Variants in B3GAT2 observed in about 807,000 individuals in gnomAD.
B3GAT2 encodes galactosylgalactosylxylosylprotein 3-beta-glucuronosyltransferase 2.
A neutral mutation model predicts 27.8 loss-of-function variants in B3GAT2; 26 were observed. That is an observed-to-expected ratio of 0.93 (90% CI 0.68 to 1.30). The LOEUF (loss-of-function observed/expected upper bound fraction) is 1.30. Among genes scored for constraint, B3GAT2 ranks in the 50% most tolerant of loss-of-function variants. B3GAT2 has a pLI of 0.00. For missense variants in B3GAT2, 458 were observed against 459.0 expected, an observed-to-expected ratio of 1.00 and a Z score of 0.02; for synonymous variants, 218 against 195.1, an observed-to-expected ratio of 1.12 and a Z score of -0.98.
At chr6:70,948,183 C>T (rs1017634180) in intron 1 of B3GAT2, among the ~76,000 whole-genome samples, 3 of 146,020 alleles carry the variant, frequency 2.1e-5, no homozygotes, top group South Asian at 2.2e-4. Flanking sequence ...GACAGGGATG[C>T]CCTCTCTCAC....
At chr6:70,951,694 C>G (rs1033488833) in intron 1 of B3GAT2, among the ~76,000 whole-genome samples, 4 of 152,128 alleles carry the variant, frequency 2.6e-5, no homozygotes, top group Admixed American at 6.5e-5. Flanking sequence ...AAATACTGTA[C>G]ACCCAGGGAG....
intron 1 of B3GAT2, among the ~76,000 whole-genome samples, chr6:70,931,027 C>G (rs1042283249): frequency 1.8e-4 from 28 of 152,084 alleles, no homozygotes; most frequent in Non-Finnish European, 3.5e-4. Context: ...AGTTCATGTC[C>G]TTTGTAGGGA....
chr6:70,890,221 C>T (rs1028357326), intron 2 of B3GAT2, among the ~76,000 whole-genome samples: 1 of 152,256 alleles, frequency 6.6e-6, no homozygotes, highest in African/African-American at 2.4e-5. Flanking sequence ...CCACTGTCCA[C>T]CCTAACACCC....
intron 1 of B3GAT2, among the ~76,000 whole-genome samples, chr6:70,949,470 C>T (rs1199824960): frequency 1.3e-5 from 2 of 150,586 alleles, no homozygotes; most frequent in Non-Finnish European, 3.0e-5. Flanking sequence ...GCATCACTGG[C>T]CATCAGAGAA....
intron 1 of B3GAT2, among the ~76,000 whole-genome samples, chr6:70,950,830 C>T (rs979140977): frequency 2.0e-5 from 3 of 152,184 alleles, no homozygotes; most frequent in Non-Finnish European, 2.9e-5. Flanking sequence ...CCTAAGGGTA[C>T]TTCTTTGCCT....
At chr6:70,878,593 A>G (rs1157742622) in intron 2 of B3GAT2, among the ~76,000 whole-genome samples, 2 of 150,232 alleles carry the variant, frequency 1.3e-5, no homozygotes, top group Non-Finnish European at 3.0e-5. Context: ...TTTTATTTAG[A>G]GCAATTTAAT....
At chr6:70,947,069 C>T (rs546576979) in intron 1 of B3GAT2, among the ~76,000 whole-genome samples, 173 of 151,956 alleles carry the variant, frequency 1.1e-3, no homozygotes, top group South Asian at 7.9e-3. Flanking sequence ...ATCTCTGGGA[C>T]ACATTCAAAG....
intron 2 of B3GAT2, among the ~76,000 whole-genome samples, chr6:70,884,612 A>G (rs1389299820): frequency 6.6e-6 from 1 of 152,182 alleles, no homozygotes; most frequent in Non-Finnish European, 1.5e-5. Context: ...AAAGGTAGAA[A>G]GGGGCATCCA....
chr6:70,880,747 C>T (rs1772088074), intron 2 of B3GAT2, among the ~76,000 whole-genome samples: 1 of 151,614 alleles, frequency 6.6e-6, no homozygotes, highest in African/African-American at 2.4e-5. Flanking sequence ...CTCACTGTAA[C>T]CTCTGCCTCC....
At chr6:70,889,723 G>A (rs1270821688) in intron 2 of B3GAT2, among the ~76,000 whole-genome samples, 2 of 151,326 alleles carry the variant, frequency 1.3e-5, no homozygotes, top group East Asian at 3.9e-4. Context: ...GTCCAGCCAA[G>A]ACAGAACCTC....
chr6:70,890,658 G>T (rs908178775), intron 2 of B3GAT2, among the ~76,000 whole-genome samples: 7 of 152,212 alleles, frequency 4.6e-5, no homozygotes, highest in African/African-American at 1.7e-4. Context: ...AGTGCAGGTG[G>T]CCTGGGACTC....
intron 1 of B3GAT2, among the ~76,000 whole-genome samples, chr6:70,896,070 C>T (rs1772378429): frequency 6.6e-6 from 1 of 152,146 alleles, no homozygotes; most frequent in Admixed American, 6.5e-5. Context: ...GCAAGAGTGC[C>T]TATGTGACAA....
rs951787838 is a variant in B3GAT2, at chr6:70,858,357, T to C, written c.*3306A>G. The C allele has an allele frequency of 2.6e-6, 2 of 768,790 alleles. No individual in the cohort carries two copies. The highest frequency in any genetic ancestry group is 2.2e-5 in the South Asian group (1 of 45,346). 47.6% of individuals were successfully genotyped at this position (768,790 alleles called of 1,614,324 possible). ...CAGAAAGAATTCAATAGGGATAATA[T>C]GTTATAGGGTCAAAAGTATCTATAA... On this transcript the variant is annotated 3_prime_UTR_variant, in exon 4 of 4. Transcript: ENST00000230053.
At chr6:70,945,555 A>C (rs75360954) in intron 1 of B3GAT2, among the ~76,000 whole-genome samples, 1 of 151,722 alleles carries the variant, frequency 6.6e-6, no homozygotes, top group African/African-American at 2.4e-5. Context: ...CAAAGCCTCC[A>C]AGAAATATGG....
intron 2 of B3GAT2, among the ~76,000 whole-genome samples, chr6:70,883,963 GGGGGTGGCCT>G (rs1772139090): frequency 6.6e-6 from 1 of 151,872 alleles, no homozygotes; most frequent in Admixed American, 6.6e-5. Flanking sequence ...GATGGACACA[GGGGGTGGCCT>G]GGGAAAGGAC....
intron 1 of B3GAT2, among the ~76,000 whole-genome samples, chr6:70,935,451 C>T (rs1448993158): frequency 6.7e-6 from 1 of 150,088 alleles, no homozygotes; most frequent in Non-Finnish European, 1.5e-5. Flanking sequence ...GAGACCCTGT[C>T]TCACTTAAAA....
intron 1 of B3GAT2, among the ~76,000 whole-genome samples, chr6:70,923,513 AT>A (rs1383320868): frequency 1.3e-5 from 2 of 152,020 alleles, no homozygotes; most frequent in South Asian, 2.1e-4. Context: ...CTCTACAAAA[AT>A]TTTTTTAAAG....
intron 1 of B3GAT2, among the ~76,000 whole-genome samples, chr6:70,929,095 C>G (rs1345399248): frequency 6.6e-6 from 1 of 151,678 alleles, no homozygotes; most frequent in Non-Finnish European, 1.5e-5. Context: ...TCATTCTCAG[C>G]AAACTATCGC....
rs565602673 is a variant in B3GAT2, at chr6:70,901,751, C to T, written c.592-7479G>A. Among the ~76,000 whole-genome samples, 5 of 152,268 alleles carry T rather than the reference C, an allele frequency of 3.3e-5. No individual in the cohort carries two copies. The South Asian group carries it at 8.3e-4, about 25-fold the overall frequency. On this transcript the variant is annotated intron_variant, in intron 1 of 3. Transcript: ENST00000230053. ...CCAGCTGATGCTGTCATGGGAGATA[C>T]TGTATTCCTCTCTTTGAAGTGGGAA...
Sources: gnomAD v4.1 joint callset for allele counts (sites outside exome capture counted in the v4.1 genomes callset) on GRCh38, gnomAD v4.1.1 for gene constraint, MANE v1.5 for transcripts, NCBI Gene and HGNC (gene_info 2026-07-23, HGNC 2026-07-21) for gene names.